Variants in LRRC20 observed in about 807,000 individuals in gnomAD.
LRRC20 encodes leucine-rich repeat-containing protein 20.
In LRRC20, 11 loss-of-function variants were observed where a neutral mutation model predicts 14.4. The ratio of observed to expected loss-of-function variants is 0.77; its 90% confidence interval spans 0.48 to 1.27. The LOEUF (loss-of-function observed/expected upper bound fraction) is 1.27, where lower values mean the gene tolerates loss of function less well. LRRC20 is among the 50% of genes most tolerant of loss of function. The probability of loss-of-function intolerance (pLI) is 0.00; values close to 1 mark genes in which losing one functional copy is unlikely to be tolerated. For missense variants in LRRC20, 219 were observed against 251.2 expected, an observed-to-expected ratio of 0.87 and a Z score of 0.87; for synonymous variants, 121 against 107.3, an observed-to-expected ratio of 1.13 and a Z score of -0.79.
rs913817429 is a variant in LRRC20, at chr10:70,368,797, T to C, written c.82+7655A>G. Among the ~76,000 whole-genome samples, 63 of 151,884 alleles carry C rather than the reference T, an allele frequency of 4.1e-4. 1 individual carries two copies. The highest frequency in any genetic ancestry group is 1.5e-3 in the African/African-American group (61 of 41,442). ...GCCACCACGCCTAGCTAAGTTTTTG[T>C]ATTTTAGTAGAGATGGGGTTTCACC... On this transcript the variant is annotated intron_variant, in intron 2 of 4. Transcript: ENST00000446961.
chr10:70,349,384 C>T (rs919128214), intron 2 of LRRC20, among the ~76,000 whole-genome samples: 37 of 152,092 alleles, frequency 2.4e-4, no homozygotes, highest in Non-Finnish European at 5.0e-4. Context: ...TCGAGACCAG[C>T]CTGGCCAACA....
At chr10:70,301,539 G>A in intron 4 of LRRC20, 31 bp from the exon 5 acceptor site, 1 of 1,604,408 alleles carries the variant, frequency 6.2e-7, no homozygotes, top group Middle Eastern at 1.7e-4. Context: ...AGGTTAGAGT[G>A]GTGGAGGCCA....
intron 2 of LRRC20, among the ~76,000 whole-genome samples, chr10:70,361,079 AAG>A (rs1354032151): frequency 1.3e-5 from 2 of 151,760 alleles, no homozygotes; most frequent in Non-Finnish European, 2.9e-5. Flanking sequence ...GAGAGAGAGA[AAG>A]AGAGAATGAA....
chr10:70,316,631 G>A (rs188089026), intron 4 of LRRC20, among the ~76,000 whole-genome samples: 92 of 152,350 alleles, frequency 6.0e-4, no homozygotes, highest in African/African-American at 2.1e-3. Flanking sequence ...GGACACAAGT[G>A]GGGCAGGGGC....
chr10:70,330,827 C>T (rs1421241831), intron 3 of LRRC20, among the ~76,000 whole-genome samples: 1 of 152,206 alleles, frequency 6.6e-6, no homozygotes, highest in Non-Finnish European at 1.5e-5. Context: ...GCCTGCGTCA[C>T]AAGCTCCACA....
Position 70,340,629 on chromosome 10 carries a change from G to C in LRRC20, c.156C>G (p.Ile52Met). Reference protein sequence around the residue: ...YKVLRNVSGQIHLITLANNEL... With the variant: ...YKVLRNVSGQMHLITLANNEL... ...CGTTGTTAGCCAGGGTGATGAGGTG[G>C]ATCTGGCCAGAGACATTCCGCAGGA... is the stretch of plus-strand genomic sequence containing the variant. The change falls in exon 3 of 5, where the codon ATC becomes ATG. Residue 52 changes from isoleucine to methionine, a missense_variant. Ile to Met is a conservative substitution (Grantham distance 10). Coordinates refer to ENST00000446961, the MANE Select transcript of LRRC20 (RefSeq NM_001278212.2). The C allele has an allele frequency of 6.2e-7, 1 of 1,614,154 alleles. No homozygotes were observed. Among genetic ancestry groups the C allele is most frequent in the Non-Finnish European group, 8.5e-7 (1 of 1,179,992 alleles).
chr10:70,342,116 T>C (rs1190052023), intron 2 of LRRC20, among the ~76,000 whole-genome samples: 9 of 151,910 alleles, frequency 5.9e-5, no homozygotes, highest in South Asian at 2.1e-4. Context: ...CTGGCCAATA[T>C]AGAGAAACCC....
chr10:70,330,870 C>A (rs1842510522), intron 3 of LRRC20, among the ~76,000 whole-genome samples: 1 of 152,206 alleles, frequency 6.6e-6, no homozygotes, highest in Non-Finnish European at 1.5e-5. Flanking sequence ...GGTATATATA[C>A]ACAACCAGTT....
intron 3 of LRRC20, among the ~76,000 whole-genome samples, chr10:70,328,420 C>T (rs1842407521): frequency 6.6e-6 from 1 of 152,052 alleles, no homozygotes; most frequent in Non-Finnish European, 1.5e-5. Flanking sequence ...CCTCAGCCTC[C>T]CAAGAAGCTG....
intron 3 of LRRC20, among the ~76,000 whole-genome samples, chr10:70,336,216 A>T (rs1185237765): frequency 1.3e-5 from 2 of 152,232 alleles, no homozygotes; most frequent in Non-Finnish European, 2.9e-5. Flanking sequence ...GCATTCCCAC[A>T]GCCACACCGA....
At chr10:70,338,054 G>C (rs1463704646) in intron 3 of LRRC20, among the ~76,000 whole-genome samples, 1 of 152,188 alleles carries the variant, frequency 6.6e-6, no homozygotes, top group Non-Finnish European at 1.5e-5. Flanking sequence ...GACAAACACA[G>C]GTGGCCTGGA....
At chr10:70,377,940 T>C (rs1844569649) in intron 1 of LRRC20, among the ~76,000 whole-genome samples, 1 of 152,210 alleles carries the variant, frequency 6.6e-6, no homozygotes, top group South Asian at 2.1e-4. Flanking sequence ...CCCCCATTTA[T>C]TGGCTGAGAG....
intron 4 of LRRC20, among the ~76,000 whole-genome samples, chr10:70,318,178 C>G (rs1256865529): frequency 6.6e-6 from 1 of 152,166 alleles, no homozygotes; most frequent in South Asian, 2.1e-4. Flanking sequence ...AGAGCCCAGG[C>G]AGAGCTTCTC....
Position 70,301,427 on chromosome 10 carries a change from C to T in LRRC20, c.482G>A (p.Arg161His), listed in dbSNP as rs371526741. 50 of 1,613,778 alleles carry T rather than the reference C, an allele frequency of 3.1e-5. No homozygotes were observed. Among genetic ancestry groups the T allele is most frequent in the South Asian group, 1.9e-4 (17 of 91,082 alleles). The change falls in exon 5 of 5, where the codon CGC (arginine) becomes CAC (histidine). Residue 161 changes from arginine (R) to histidine (H), a missense_variant. Coordinates refer to ENST00000446961, the MANE Select transcript of LRRC20 (RefSeq NM_001278212.2). ...LRFNPLNAEVRVIAPPLIKFD... is the reference protein window; with the variant it reads ...LRFNPLNAEVHVIAPPLIKFD... ...CTTGATGAGCGGCGGGGCGATCACGCGCACCTCGGCGTTGAGTGGGTTGAA... is the reference window on the plus strand; with the variant it reads ...CTTGATGAGCGGCGGGGCGATCACGTGCACCTCGGCGTTGAGTGGGTTGAA...
intron 1 of LRRC20, among the ~76,000 whole-genome samples, chr10:70,380,812 T>G (rs1844672834): frequency 6.6e-6 from 1 of 152,170 alleles, no homozygotes. Flanking sequence ...CTGGACACCT[T>G]CCATAAGGCC....
intron 2 of LRRC20, among the ~76,000 whole-genome samples, chr10:70,358,872 C>T (rs944125882): frequency 3.9e-5 from 6 of 152,172 alleles, no homozygotes; most frequent in East Asian, 1.9e-4. Context: ...GCAGCCTCTG[C>T]GGACCACCCC....
intron 4 of LRRC20, among the ~76,000 whole-genome samples, chr10:70,311,222 A>AT (rs11314061): frequency 0.11 from 9,080 of 86,180 alleles, 920 homozygotes; most frequent in African/African-American, 0.23. Flanking sequence ...TCAACATTCC[A>AT]TTTTTTTTTT....
chr10:70,325,778 C>G (rs939459978), intron 3 of LRRC20, among the ~76,000 whole-genome samples: 2 of 152,166 alleles, frequency 1.3e-5, no homozygotes, highest in Non-Finnish European at 2.9e-5. Context: ...GTGGACGGGG[C>G]CCCCGGGCCC....
intron 3 of LRRC20, among the ~76,000 whole-genome samples, chr10:70,334,368 G>A (rs1353785132): frequency 7.9e-5 from 12 of 152,090 alleles, no homozygotes. Flanking sequence ...TAGGAAGCTG[G>A]GGAGGAACAG....
Sources: gnomAD v4.1 joint callset for allele counts (sites outside exome capture counted in the v4.1 genomes callset) on GRCh38, gnomAD v4.1.1 for gene constraint, MANE v1.5 for transcripts, NCBI Gene and HGNC (gene_info 2026-07-23, HGNC 2026-07-21) for gene names.